SMG1: variants seen among roughly 807,000 people sequenced by gnomAD.
SMG1 encodes the protein serine/threonine-protein kinase SMG1.
A neutral mutation model predicts 419.9 loss-of-function variants in SMG1; 22 were observed. That is an observed-to-expected ratio of 0.05 (90% CI 0.04 to 0.07). The LOEUF (loss-of-function observed/expected upper bound fraction) is 0.07. Ranked by LOEUF, SMG1 falls within the 10% of genes least tolerant of loss-of-function variation. The pLI, the probability that SMG1 is intolerant of heterozygous loss-of-function variation, is 1.00. For synonymous variants in SMG1, 1,538 were observed against 1,553.5 expected (o/e 0.99, Z 0.23); for missense variants, 3,185 against 4,342.0 (o/e 0.73, Z 7.49).
chr16:18,908,082 T>C (rs1200169335), intron 1 of SMG1, among the ~76,000 whole-genome samples: 1 of 151,934 alleles, frequency 6.6e-6, no homozygotes, highest in African/African-American at 2.4e-5. Flanking sequence ...ATGCCAAACA[T>C]AGGCCAGGCG....
chr16:18,812,817 C>T (rs1022956393), intron 60 of SMG1, among the ~76,000 whole-genome samples: 10 of 152,090 alleles, frequency 6.6e-5, no homozygotes, highest in Admixed American at 2.0e-4. Context: ...CTATCCCTCT[C>T]CTGTCCCCCC....
intron 29 of SMG1, 131 bp downstream of exon 29, chr16:18,858,039 G>A: frequency 3.0e-6 from 2 of 677,276 alleles, no homozygotes; most frequent in South Asian, 4.9e-5. Flanking sequence ...CGTATTGGTG[G>A]TCACACAAGT....
At position 18,926,020 on chromosome 16, in the gene SMG1, A is replaced by C; in HGVS notation, c.22T>G (p.Ser8Ala). 1 of 1,575,148 alleles carries C rather than the reference A, an allele frequency of 6.3e-7. No homozygotes were observed. Among genetic ancestry groups the C allele is most frequent in the Non-Finnish European group, 8.6e-7 (1 of 1,168,736 alleles). MSRRAPG[S>A]RLSSGGGGGG... Reference sequence around the variant, plus strand: ...CCGCCGCCGCCGCTGCTCAGCCGAGACCCCGGGGCTCTGCGGCTCATTACC... The same window carrying C: ...CCGCCGCCGCCGCTGCTCAGCCGAGCCCCCGGGGCTCTGCGGCTCATTACC... The change falls in exon 1 of 63, where the codon TCT becomes GCT. Residue 8 changes from serine (S) to alanine (A), a missense_variant. Transcript: ENST00000446231.
chr16:18,874,255 T>A (rs1329206687), intron 13 of SMG1, among the ~76,000 whole-genome samples: 1 of 151,884 alleles, frequency 6.6e-6, no homozygotes, highest in Non-Finnish European at 1.5e-5. Context: ...TCTCCCAACT[T>A]AGCCTCCAAA....
chr16:18,913,079 T>C (rs114519152), intron 1 of SMG1, among the ~76,000 whole-genome samples: 36 of 152,246 alleles, frequency 2.4e-4, no homozygotes, highest in African/African-American at 7.9e-4. Flanking sequence ...GGTCTCATTA[T>C]ACAAAGAGGA....
intron 1 of SMG1, among the ~76,000 whole-genome samples, chr16:18,924,212 A>C (rs892462184): frequency 4.6e-5 from 7 of 152,184 alleles, no homozygotes; most frequent in Non-Finnish European, 1.0e-4. Context: ...ACTTGAAAGA[A>C]ACAACATGGA....
rs776087359 is a variant in SMG1, at chr16:18,809,416, A to T, written c.*153T>A. The T allele has an allele frequency of 3.1e-6, 2 of 646,360 alleles. No homozygotes were observed. Among genetic ancestry groups the T allele is most frequent in the Non-Finnish European group, 2.8e-6 (1 of 351,814 alleles). 40.0% of individuals were successfully genotyped at this position (646,360 alleles called of 1,614,324 possible). A position where few individuals can be genotyped will look rare whatever the true frequency, so the allele number is the denominator to read the frequency against. ...TGAGTGCAGCTGTCCTGCGGGATTC[A>T]CTTCCTAGTGCACCGAGATTTCCTA... On this transcript the variant is annotated 3_prime_UTR_variant, in exon 63 of 63. Coordinates refer to ENST00000446231, the MANE Select transcript of SMG1 (RefSeq NM_015092.5).
intron 4 of SMG1, among the ~76,000 whole-genome samples, chr16:18,891,249 A>C (rs943275209): frequency 1.3e-5 from 2 of 152,236 alleles, no homozygotes; most frequent in Non-Finnish European, 2.9e-5. Flanking sequence ...GGCAGTATTT[A>C]GGGTAAAATG....
At chr16:18,873,047 G>T (rs1198710453) in intron 13 of SMG1, among the ~76,000 whole-genome samples, 2 of 151,916 alleles carry the variant, frequency 1.3e-5, no homozygotes. Flanking sequence ...CCAGCTACTC[G>T]GGAGGCTGAG....
rs150599614 is a variant in SMG1 at position 18,830,438 on chromosome 16, C to G, written c.8793-69G>C. On this transcript the variant is annotated intron_variant, in intron 51 of 62. Coordinates refer to ENST00000446231, the MANE Select transcript of SMG1 (RefSeq NM_015092.5). ...TGCCTTTGGTGGGAACATACAAAGT[C>G]AGTACATCTCACAGCTGCATGCTGT... The G allele has an allele frequency of 6.1e-4, 926 of 1,516,694 alleles. 11 individuals carry two copies. The East Asian group carries it at 0.018, about 30-fold the overall frequency. 94.0% of individuals were successfully genotyped at this position (1,516,694 alleles called of 1,614,324 possible). A position where few individuals can be genotyped will look rare whatever the true frequency, so the allele number is the denominator to read the frequency against.
intron 22 of SMG1, among the ~76,000 whole-genome samples, 165 bp from the exon 23 acceptor site, chr16:18,866,940 T>C (rs1255824431): frequency 6.6e-6 from 1 of 152,146 alleles, no homozygotes; most frequent in Non-Finnish European, 1.5e-5. Flanking sequence ...ATGTTACATA[T>C]AAAATAGCCA....
In SMG1 at chr16:18,811,771, A is replaced by G. The variant is rs764291226; in HGVS notation, c.10898T>C (p.Val3633Ala). 3 of 1,613,868 alleles carry G rather than the reference A, an allele frequency of 1.9e-6. No homozygotes were observed. Among genetic ancestry groups the G allele is most frequent in the Non-Finnish European group, 2.5e-6 (3 of 1,179,782 alleles). The change falls in exon 62 of 63, where the codon GTT (valine) becomes GCT (alanine). Residue 3633 changes from valine (V) to alanine (A), a missense_variant. By Grantham distance (64) the Val-to-Ala change is moderately conservative. Transcript: ENST00000446231. ...RDVDPNRRMS[V>A]AEQVDYVIKE... ...TTAAAACACGGTCACCTGTTCAGCA[A>G]CTGACATCCTCCTATTCGGATCAAC...
In SMG1 at chr16:18,832,951, G is replaced by A. The variant is rs767813326; in HGVS notation, c.8781C>T (p.Ile2927=). 7.4e-6 allele frequency: 12 copies of A among 1,613,592 alleles called. No individual in the cohort carries two copies. Among genetic ancestry groups the A allele is most frequent in the African/African-American group, 6.7e-5 (5 of 74,864 alleles). The change falls in exon 51 of 63, where the codon ATC becomes ATT. Residue 2927 remains isoleucine (I), a synonymous_variant. Transcript: ENST00000446231. ...CAGCATTCACTTGCCTGGCAACATC[G>A]ATGTAATGAGCATGTGTTTCTTCTT... is the stretch of plus-strand genomic sequence containing the variant. ...GLEEETHAHY[I]DVARLLHAQY...
intron 13 of SMG1, among the ~76,000 whole-genome samples, chr16:18,873,611 TAACA>T (rs1224932445): frequency 6.6e-6 from 1 of 152,184 alleles, no homozygotes; most frequent in Non-Finnish European, 1.5e-5. Context: ...ACATTTAAAA[TAACA>T]AACAAAAAAC....
At chr16:18,840,301 C>T (rs1375115814) in intron 41 of SMG1, among the ~76,000 whole-genome samples, 1 of 152,172 alleles carries the variant, frequency 6.6e-6, no homozygotes, top group Non-Finnish European at 1.5e-5. Context: ...ATTCTTCACA[C>T]ACAACTTAAT....
rs1421105069 is a variant in SMG1, at chr16:18,833,163, A to G, written c.8569T>C (p.Leu2857=). 3 of 1,612,630 alleles carry G rather than the reference A, an allele frequency of 1.9e-6. No homozygotes were observed. Among genetic ancestry groups the G allele is most frequent in the Admixed American group, 1.7e-5 (1 of 59,894 alleles). The change falls in exon 51 of 63, where the codon TTG becomes CTG. Residue 2857 remains leucine (L), a synonymous_variant. Transcript: ENST00000446231. ...ANGVYTSLQE[L]NSNFRQIIFP... ...ATGATTTGCCGGAAATTCGAATTCA[A>G]TTCCTATAAATATATGAGAAAAAAA...
intron 10 of SMG1, among the ~76,000 whole-genome samples, chr16:18,880,342 G>A (rs1463468935): frequency 6.6e-6 from 1 of 152,072 alleles, no homozygotes; most frequent in Non-Finnish European, 1.5e-5. Flanking sequence ...CAGAGCAAAT[G>A]TTAAAAAATA....
chr16:18,896,640 T>C (rs1596619349), intron 2 of SMG1, among the ~76,000 whole-genome samples, 153 bp downstream of exon 2: 1 of 152,220 alleles, frequency 6.6e-6, no homozygotes, highest in Non-Finnish European at 1.5e-5. Flanking sequence ...AGTGGATAAA[T>C]GTCCTATGAG....
chr16:18,881,448 T>C (rs1315079407), intron 10 of SMG1, among the ~76,000 whole-genome samples: 2 of 152,230 alleles, frequency 1.3e-5, no homozygotes, highest in Non-Finnish European at 2.9e-5. Context: ...ATCAATATCC[T>C]ATTTTATCTA....
Sources: gnomAD v4.1 joint callset for allele counts (sites outside exome capture counted in the v4.1 genomes callset) on GRCh38, gnomAD v4.1.1 for gene constraint, MANE v1.5 for transcripts, NCBI Gene and HGNC (gene_info 2026-07-23, HGNC 2026-07-21) for gene names.